ANKRD12: variants seen among roughly 807,000 people sequenced by gnomAD.
ANKRD12 encodes ankyrin repeat domain 12, also known as ankyrin repeat domain-containing protein 12.
A neutral mutation model predicts 183.4 loss-of-function variants in ANKRD12; 85 were observed. That is an observed-to-expected ratio of 0.46 (90% CI 0.39 to 0.56). The LOEUF (loss-of-function observed/expected upper bound fraction) is 0.56, where lower values mean the gene tolerates loss of function less well. Ranked by LOEUF, ANKRD12 falls within the 20% of genes least tolerant of loss-of-function variation. The pLI is 0.00. For synonymous variants in ANKRD12, 914 were observed against 800.2 expected (o/e 1.14, Z -2.40); for missense variants, 2,405 against 2,357.1 (o/e 1.02, Z -0.42).
chr18:9,204,423 G>T, intron 3 of ANKRD12, 53 bp from the exon 4 acceptor site: 1 of 1,283,520 alleles, frequency 7.8e-7, no homozygotes. Flanking sequence ...GTTGAATTCT[G>T]CATTTCCCTC....
chr18:9,206,367 A>C (rs1456010745), intron 4 of ANKRD12, among the ~76,000 whole-genome samples: 1 of 150,110 alleles, frequency 6.7e-6, no homozygotes, highest in African/African-American at 2.5e-5. Context: ...GAAGTAGCTA[A>C]CTCTTTATAA....
At chr18:9,183,025 C>T (rs2033810871) in intron 2 of ANKRD12, among the ~76,000 whole-genome samples, 1 of 152,160 alleles carries the variant, frequency 6.6e-6, no homozygotes, top group Non-Finnish European at 1.5e-5. Flanking sequence ...TGTTTCCAGA[C>T]ATTTTTAACT....
At chr18:9,252,809 C>CA (rs771119846) in intron 8 of ANKRD12, among the ~76,000 whole-genome samples, 1 of 152,038 alleles carries the variant, frequency 6.6e-6, no homozygotes, top group African/African-American at 2.4e-5. Flanking sequence ...ACCAAAAATA[C>CA]AAAAAATATT....
chr18:9,203,689 C>G (rs181677184), intron 3 of ANKRD12, among the ~76,000 whole-genome samples: 1 of 152,112 alleles, frequency 6.6e-6, no homozygotes, highest in African/African-American at 2.4e-5. Flanking sequence ...ACCGCAACCC[C>G]GGCCACCTGG....
At chr18:9,190,197 T>C (rs2034364896) in intron 2 of ANKRD12, among the ~76,000 whole-genome samples, 1 of 152,150 alleles carries the variant, frequency 6.6e-6, no homozygotes, top group Non-Finnish European at 1.5e-5. Flanking sequence ...GTAGATGGGA[T>C]TGGAAAACGC....
intron 8 of ANKRD12, among the ~76,000 whole-genome samples, chr18:9,244,800 A>T (rs2037863150): frequency 6.6e-6 from 1 of 152,206 alleles, no homozygotes; most frequent in Non-Finnish European, 1.5e-5. Context: ...AGGTCATTTA[A>T]AAGGGCCAAG....
chr18:9,276,249 CAGTG>C (rs2039828280), intron 11 of ANKRD12, among the ~76,000 whole-genome samples: 1 of 148,206 alleles, frequency 6.7e-6, no homozygotes, highest in Non-Finnish European at 1.5e-5. Flanking sequence ...TTATAATAAA[CAGTG>C]AAGGATTATC....
At chr18:9,235,588 C>T (rs1421719244) in intron 8 of ANKRD12, 2 of 455,964 alleles carry the variant, frequency 4.4e-6, no homozygotes, top group South Asian at 1.5e-5. Flanking sequence ...ATACTGTACT[C>T]CTGCTATGGC....
chr18:9,167,873 T>C (rs1256974951), intron 1 of ANKRD12, among the ~76,000 whole-genome samples: 1 of 152,218 alleles, frequency 6.6e-6, no homozygotes, highest in Admixed American at 6.5e-5. Flanking sequence ...ATAGCTCTTA[T>C]TGTTTTGAGA....
intron 9 of ANKRD12, among the ~76,000 whole-genome samples, chr18:9,263,134 T>G (rs1385624821): frequency 6.6e-6 from 1 of 152,138 alleles, no homozygotes; most frequent in Non-Finnish European, 1.5e-5. Context: ...CACGCATAGA[T>G]TGAATCAGCT....
intron 1 of ANKRD12, among the ~76,000 whole-genome samples, chr18:9,176,575 A>C (rs1168264586): frequency 6.6e-6 from 1 of 152,004 alleles, no homozygotes; most frequent in African/African-American, 2.4e-5. Context: ...ACCAGTGTGA[A>C]CCTCTGTGCC....
intron 8 of ANKRD12, 33 bp downstream of exon 8, chr18:9,222,032 G>C (rs759073120): frequency 1.2e-6 from 2 of 1,607,034 alleles, no homozygotes; most frequent in Admixed American, 3.4e-5. Context: ...TCATCTGTTC[G>C]TTTGACATGA....
Position 9,208,812 on chromosome 18 carries a change from T to C in ANKRD12, c.451+9T>C, listed in dbSNP as rs2035623195. On this transcript the variant is annotated intron_variant, in intron 5 of 12. Transcript: ENST00000262126. ...AAGAGACAACAGTCCAGGTGATACC[T>C]ACCATCATTGAGTTAATGTGTATCC... 2.6e-6 allele frequency: 4 copies of C among 1,542,370 alleles called. No homozygotes were observed. The highest frequency in any genetic ancestry group is 3.5e-6 in the Non-Finnish European group (4 of 1,143,228).
chr18:9,209,364 T>C lies in ANKRD12; in HGVS notation c.451+561T>C, dbSNP rs967740610. ...AAATTTTTGAGTTACATAGTTCTCATTGACTGATTCAAGAAAGTAAATCAC... is the reference window on the plus strand; with the variant it reads ...AAATTTTTGAGTTACATAGTTCTCACTGACTGATTCAAGAAAGTAAATCAC... On this transcript the variant is annotated intron_variant, in intron 5 of 12. Coordinates refer to ENST00000262126, the MANE Select transcript of ANKRD12 (RefSeq NM_015208.5). Among the ~76,000 whole-genome samples the C allele has an allele frequency of 3.3e-5, 5 of 152,222 alleles. No homozygotes were observed. In the East Asian group the frequency reaches 7.7e-4, roughly 23 times the overall value.
At position 9,281,908 on chromosome 18, in the gene ANKRD12, A is replaced by G. The variant is rs1485604254; in HGVS notation, c.*782A>G. On this transcript the variant is annotated 3_prime_UTR_variant, in exon 13 of 13. Transcript: ENST00000262126. ...GGCTTAGTTGTATTGCATGCTTCCT[A>G]TAATTTAACTCTCCATAATTGATGC... is the stretch of plus-strand genomic sequence containing the variant. The G allele has an allele frequency of 6.6e-6, 1 of 152,602 alleles. No homozygotes were observed. The highest frequency in any genetic ancestry group is 1.9e-4 in the East Asian group (1 of 5,196). 9.5% of individuals were successfully genotyped at this position (152,602 alleles called of 1,614,324 possible). A position where few individuals can be genotyped will look rare whatever the true frequency, so the allele number is the denominator to read the frequency against.
intron 5 of ANKRD12, among the ~76,000 whole-genome samples, chr18:9,209,518 C>T (rs2035664743): frequency 6.6e-6 from 1 of 152,050 alleles, no homozygotes; most frequent in African/African-American, 2.4e-5. Context: ...TCCTGTATTG[C>T]CTCTTTTTAA....
At chr18:9,279,690 T>TAAA (rs61228777) in intron 12 of ANKRD12, 46 bp downstream of exon 12, 256 of 823,416 alleles carry the variant, frequency 3.1e-4, no homozygotes, top group South Asian at 8.0e-4. Context: ...TCCCCCTTCT[T>TAAA]AAAAAAAAAA....
At chr18:9,214,763 G>A (rs1219162083) in intron 6 of ANKRD12, among the ~76,000 whole-genome samples, 1 of 152,144 alleles carries the variant, frequency 6.6e-6, no homozygotes, top group African/African-American at 2.4e-5. Flanking sequence ...ATAAGGACCA[G>A]TGGAAAAAAG....
At chr18:9,153,171 A>C (rs2078739451) in intron 1 of ANKRD12, among the ~76,000 whole-genome samples, 2 of 152,200 alleles carry the variant, frequency 1.3e-5, no homozygotes, top group South Asian at 4.1e-4. Flanking sequence ...CCTACTCAAA[A>C]GCAGATTTTC....
Sources: allele counts gnomAD v4.1 joint callset (sites outside exome capture counted in the v4.1 genomes callset), GRCh38; gene constraint gnomAD v4.1.1; transcripts MANE v1.5; gene names NCBI Gene and HGNC (gene_info 2026-07-23, HGNC 2026-07-21).